CPLANE1: variants seen among roughly 807,000 people sequenced by gnomAD.
The protein encoded by CPLANE1 is ciliogenesis and planar polarity effector 1.
A neutral mutation model predicts 362.5 loss-of-function variants in CPLANE1; 263 were observed. The observed-to-expected ratio is 0.73, with a 90% CI of 0.66 to 0.80. The LOEUF (loss-of-function observed/expected upper bound fraction) is 0.80, where lower values mean the gene tolerates loss of function less well. Among genes scored for constraint, CPLANE1 ranks in the 30% least tolerant of loss-of-function variants. The probability of loss-of-function intolerance (pLI) is 0.00; values close to 1 mark genes in which losing one functional copy is unlikely to be tolerated. For missense variants in CPLANE1, 3,461 were observed against 3,793.4 expected, an observed-to-expected ratio of 0.91 and a Z score of 2.30; for synonymous variants, 1,212 against 1,302.6, an observed-to-expected ratio of 0.93 and a Z score of 1.50.
chr5:37,239,039 G>T, intron 7 of CPLANE1, 79 bp from the exon 8 acceptor site: 1 of 682,308 alleles, frequency 1.5e-6, no homozygotes, highest in Non-Finnish European at 2.3e-6. Context: ...GTGACACAGA[G>T]ATCTATTATT....
chr5:37,187,784 G>A lies in CPLANE1; in HGVS notation c.3870C>T (p.Ser1290=). 6.2e-7 allele frequency: 1 copy of A among 1,613,738 alleles called. No homozygotes were observed. Among genetic ancestry groups the A allele is most frequent in the Non-Finnish European group, 8.5e-7 (1 of 1,179,868 alleles). ...CTTTCTGATATTGCCTGCAACTATAGGATAACTTATCACGGACATGCAGCA... is the reference window on the plus strand; with the variant it reads ...CTTTCTGATATTGCCTGCAACTATAAGATAACTTATCACGGACATGCAGCA... The part of the protein sequence containing the change: ...CWMLHVRDKL[S]YSCRQYQKAR... The change falls in exon 22 of 53, where the codon TCC becomes TCT. Residue 1290 remains serine (S), a synonymous_variant. Coordinates refer to ENST00000651892, the MANE Select transcript of CPLANE1 (RefSeq NM_001384732.1).
chr5:37,129,401 A>C (rs1450476241), intron 46 of CPLANE1, among the ~76,000 whole-genome samples: 1 of 152,200 alleles, frequency 6.6e-6, no homozygotes, highest in Non-Finnish European at 1.5e-5. Flanking sequence ...AATGATAAAT[A>C]GGTGGAACTT....
intron 42 of CPLANE1, among the ~76,000 whole-genome samples, 165 bp downstream of exon 42, chr5:37,153,575 A>G (rs1211212607): frequency 1.3e-5 from 2 of 152,174 alleles, no homozygotes; most frequent in Non-Finnish European, 2.9e-5. Context: ...CCCCCACAAC[A>G]AAGAATTAAC....
In CPLANE1 at chr5:37,133,193, G is replaced by A. The variant is rs925288711; in HGVS notation, c.8792+5527C>T. ...TTAGTGTAACCTTGTATAATTTGAA[G>A]GCAGGTAACATGATGACTCTGGCTT... On this transcript the variant is annotated intron_variant, in intron 46 of 52. Transcript: ENST00000651892. Among the ~76,000 whole-genome samples, 8 of 152,224 alleles carry A rather than the reference G, an allele frequency of 5.3e-5. No homozygotes were observed. In the East Asian group the frequency reaches 5.8e-4, roughly 11 times the overall value.
chr5:37,247,559 G>C, intron 2 of CPLANE1, 59 bp downstream of exon 2: 2 of 1,427,676 alleles, frequency 1.4e-6, no homozygotes, highest in South Asian at 1.3e-5. Flanking sequence ...CTATATTACA[G>C]GCAAAACACA....
In CPLANE1 at chr5:37,227,235, C is replaced by A; in HGVS notation, c.1521+8G>T. On this transcript the variant is annotated splice_region_variant and intron_variant, in intron 11 of 52. Coordinates refer to ENST00000651892, the MANE Select transcript of CPLANE1 (RefSeq NM_001384732.1). The stretch of plus-strand genomic sequence containing the variant: ...GTTCCAAGTAAATAAAATTCTGCTG[C>A]TAAGTACCTGAAAATCTGCTGCATT... 1 of 1,549,838 alleles carries A rather than the reference C, an allele frequency of 6.5e-7. No homozygotes were observed. Among genetic ancestry groups the A allele is most frequent in the Non-Finnish European group, 8.7e-7 (1 of 1,146,048 alleles).
the CPLANE1 span, among the ~76,000 whole-genome samples, chr5:37,076,956 T>C: frequency 1.3e-5 from 2 of 151,554 alleles, no homozygotes; most frequent in East Asian, 1.9e-4. Context: ...CAAACTTTTT[T>C]CTGTAAAGGG....
the CPLANE1 span, chr5:37,085,696 T>C: frequency 1.7e-6 from 2 of 1,157,820 alleles, no homozygotes; most frequent in Non-Finnish European, 1.3e-6. Flanking sequence ...ACATGAAAGA[T>C]GTCAATGGCA....
the CPLANE1 span, among the ~76,000 whole-genome samples, chr5:37,096,036 C>G: frequency 2.6e-5 from 4 of 152,148 alleles, no homozygotes; most frequent in African/African-American, 9.7e-5. Flanking sequence ...CAGTTCCCAT[C>G]AAAATACCAC....
intron 46 of CPLANE1, among the ~76,000 whole-genome samples, chr5:37,130,160 T>C (rs1321287357): frequency 3.3e-5 from 5 of 152,118 alleles, no homozygotes; most frequent in African/African-American, 4.8e-5. Context: ...AAACCAAACA[T>C]TGTATGCTCT....
At chr5:37,138,488 T>G (rs1561371992) in intron 46 of CPLANE1, 1 of 644,310 alleles carries the variant, frequency 1.6e-6, no homozygotes, top group South Asian at 1.4e-5. Flanking sequence ...CAGGATTAAA[T>G]GTATGTTGTA....
intron 15 of CPLANE1, among the ~76,000 whole-genome samples, chr5:37,217,953 C>G (rs1212706976): frequency 1.3e-5 from 2 of 151,860 alleles, no homozygotes; most frequent in African/African-American, 4.8e-5. Context: ...GCATTCCAGC[C>G]TGGTGACAAG....
In CPLANE1 at chr5:37,169,517, C is replaced by T. The variant is rs777285522; in HGVS notation, c.6507G>A (p.Gln2169=). Residue 2169 remains glutamine, a synonymous_variant, in exon 34 of 53, where the codon CAG becomes CAA. Coordinates refer to ENST00000651892, the MANE Select transcript of CPLANE1 (RefSeq NM_001384732.1). ...GSIPLCQLNG[Q]PRKKGPIPSS... is the part of the protein sequence containing the mutation. Reference sequence around the variant, plus strand: ...ATGGAATTGGTCCTTTTTTCCGGGGCTGGCCATTTAATTGACATAAAGGAA... The same window carrying T: ...ATGGAATTGGTCCTTTTTTCCGGGGTTGGCCATTTAATTGACATAAAGGAA... 4 of 1,613,406 alleles carry T rather than the reference C, an allele frequency of 2.5e-6. No individual in the cohort carries two copies. The highest frequency in any genetic ancestry group is 3.4e-6 in the Non-Finnish European group (4 of 1,179,736).
At chr5:37,200,903 A>AACC (rs1788984846) in intron 19 of CPLANE1, among the ~76,000 whole-genome samples, 1 of 152,142 alleles carries the variant, frequency 6.6e-6, no homozygotes, top group African/African-American at 2.4e-5. Flanking sequence ...GGCTCACTAC[A>AACC]ACCTCTACCT....
the CPLANE1 span, among the ~76,000 whole-genome samples, chr5:37,095,981 T>C: frequency 6.6e-6 from 1 of 152,118 alleles, no homozygotes; most frequent in Admixed American, 6.6e-5. Context: ...AGAATCAATA[T>C]TGTAAAAATG....
At chr5:37,138,931 T>C in intron 45 of CPLANE1, 83 bp from the exon 46 acceptor site, 2 of 1,213,552 alleles carry the variant, frequency 1.6e-6, no homozygotes, top group Non-Finnish European at 2.3e-6. Flanking sequence ...ATGTAACAAA[T>C]GAACACAAAA....
At chr5:37,104,803 G>A (rs147157201), downstream of CPLANE1, among the ~76,000 whole-genome samples, 11,773 of 151,554 alleles carry the variant, frequency 0.078, 520 homozygotes, top group Non-Finnish European at 0.092. Flanking sequence ...GGCGCCTGTA[G>A]TCCCAGCTAC....
At chr5:37,240,123 G>C (rs531416262) in intron 6 of CPLANE1, among the ~76,000 whole-genome samples, 6 of 152,072 alleles carry the variant, frequency 3.9e-5, no homozygotes, top group Non-Finnish European at 7.4e-5. Context: ...AGGCAGAGAC[G>C]GGTGGATCAC....
intron 15 of CPLANE1, 78 bp downstream of exon 15, chr5:37,221,246 G>A: frequency 1.1e-6 from 1 of 884,638 alleles, no homozygotes; most frequent in African/African-American, 1.7e-5. Context: ...TTGAGCTCAG[G>A]GGTTTGAAGC....
Sources: allele counts gnomAD v4.1 joint callset (sites outside exome capture counted in the v4.1 genomes callset), GRCh38; gene constraint gnomAD v4.1.1; transcripts MANE v1.5; gene names NCBI Gene and HGNC (gene_info 2026-07-23, HGNC 2026-07-21).